COL25A1: variants seen among roughly 807,000 people sequenced by gnomAD.
COL25A1 encodes the protein collagen alpha-1(XXV) chain.
COL25A1 carries 103 observed loss-of-function variants against 128.4 expected under a neutral mutation model. The ratio of observed to expected loss-of-function variants is 0.80; its 90% CI spans 0.68 to 0.94. COL25A1 has a LOEUF of 0.94. Ranked by LOEUF, COL25A1 falls within the 40% of genes least tolerant of loss-of-function variation. COL25A1 has a pLI of 0.00. For synonymous variants in COL25A1, 279 were observed against 277.2 expected (o/e 1.01, Z -0.06); for missense variants, 745 against 840.0 (o/e 0.89, Z 1.40).
chr4:109,129,655 G>A (rs961038674), intron 3 of COL25A1, among the ~76,000 whole-genome samples: 2 of 152,168 alleles, frequency 1.3e-5, no homozygotes, highest in African/African-American at 4.8e-5. Context: ...ACCTGGGCCA[G>A]GCTAGTCTTT....
At chr4:109,141,569 T>G (rs1025147941) in intron 3 of COL25A1, among the ~76,000 whole-genome samples, 1 of 152,196 alleles carries the variant, frequency 6.6e-6, no homozygotes, top group African/African-American at 2.4e-5. Context: ...GGTCCTGGAC[T>G]TCTTTTGGTT....
chr4:109,110,932 A>G (rs1766940660), intron 3 of COL25A1, among the ~76,000 whole-genome samples: 1 of 152,118 alleles, frequency 6.6e-6, no homozygotes. Flanking sequence ...TCCAATTCCA[A>G]CTTCCTGAAA....
At chr4:109,287,047 T>C (rs1723957898) in intron 3 of COL25A1, among the ~76,000 whole-genome samples, 1 of 152,254 alleles carries the variant, frequency 6.6e-6, no homozygotes, top group Non-Finnish European at 1.5e-5. Context: ...AGTATCATAA[T>C]ACACACACAC....
At chr4:108,937,335 A>T (rs1747543159) in intron 11 of COL25A1, among the ~76,000 whole-genome samples, 4 of 146,914 alleles carry the variant, frequency 2.7e-5, no homozygotes, top group South Asian at 4.3e-4. Flanking sequence ...TTTCAGGACC[A>T]TTTTTTTTTT....
chr4:109,080,846 C>T (rs1763773211), intron 3 of COL25A1, among the ~76,000 whole-genome samples: 1 of 152,164 alleles, frequency 6.6e-6, no homozygotes, highest in Admixed American at 6.5e-5. Flanking sequence ...TTTCAGCTAT[C>T]TCCCACTTCA....
At chr4:109,057,597 G>T (rs1338713400) in intron 3 of COL25A1, among the ~76,000 whole-genome samples, 2 of 151,818 alleles carry the variant, frequency 1.3e-5, no homozygotes, top group East Asian at 3.9e-4. Context: ...TTGAAATAAA[G>T]TGAAAATTTT....
chr4:109,108,605 C>T (rs1766683608), intron 3 of COL25A1, among the ~76,000 whole-genome samples: 1 of 152,168 alleles, frequency 6.6e-6, no homozygotes, highest in South Asian at 2.1e-4. Context: ...GGAATTGCCA[C>T]ACTGTCTTCC....
intron 5 of COL25A1, among the ~76,000 whole-genome samples, chr4:109,019,355 CACACACACACACACACACACATATATAT>C (rs1757492196): frequency 8.8e-5 from 2 of 22,664 alleles, no homozygotes; most frequent in African/African-American, 3.5e-4. Flanking sequence ...CACATACACA[CACACACACACACACACACACATATATAT>C]ATATATATAT....
At chr4:109,084,255 G>A (rs142517426) in intron 3 of COL25A1, among the ~76,000 whole-genome samples, 339 of 152,230 alleles carry the variant, frequency 2.2e-3, no homozygotes, top group African/African-American at 7.9e-3. Context: ...TCGGTAGACC[G>A]TACAGAATTT....
At chr4:109,117,911 G>C (rs1474543129) in intron 3 of COL25A1, among the ~76,000 whole-genome samples, 1 of 150,540 alleles carries the variant, frequency 6.6e-6, no homozygotes, top group Non-Finnish European at 1.5e-5. Flanking sequence ...TTTTTAAAAA[G>C]ATAAAAATAA....
chr4:109,224,478 T>C (rs928911179), intron 3 of COL25A1, among the ~76,000 whole-genome samples: 2 of 152,144 alleles, frequency 1.3e-5, no homozygotes, highest in African/African-American at 2.4e-5. Flanking sequence ...GTCTATATTG[T>C]ATTATGTTTA....
chr4:109,211,017 C>T (rs2126196171), intron 3 of COL25A1, among the ~76,000 whole-genome samples: 1 of 151,886 alleles, frequency 6.6e-6, no homozygotes, highest in Middle Eastern at 3.4e-3. Context: ...CCGGGGCCTA[C>T]TTGAGAGTGA....
intron 19 of COL25A1, among the ~76,000 whole-genome samples, chr4:108,869,615 G>A (rs928978455): frequency 2.0e-5 from 3 of 152,176 alleles, no homozygotes; most frequent in Non-Finnish European, 4.4e-5. Flanking sequence ...GAATCAGAGA[G>A]GTAGAGAACT....
intron 3 of COL25A1, among the ~76,000 whole-genome samples, chr4:109,282,824 C>T (rs564761757): frequency 1.3e-5 from 2 of 152,138 alleles, no homozygotes; most frequent in African/African-American, 4.8e-5. Flanking sequence ...GATATGAAGT[C>T]TTGAGAACAC....
intron 3 of COL25A1, among the ~76,000 whole-genome samples, chr4:109,254,045 C>T (rs1445825420): frequency 1.3e-5 from 2 of 151,254 alleles, no homozygotes; most frequent in Non-Finnish European, 2.9e-5. Context: ...CGAGATCGCA[C>T]CACTGCACTC....
intron 32 of COL25A1, 100 bp from the exon 33 acceptor site, chr4:108,827,288 C>G (rs902946435): frequency 2.9e-5 from 29 of 1,016,434 alleles, no homozygotes; most frequent in Non-Finnish European, 4.1e-5. Context: ...AAGGACCATT[C>G]TATGAAAATC....
chr4:109,156,954 ACTAT>A (rs1243833594), intron 3 of COL25A1, among the ~76,000 whole-genome samples: 1 of 152,224 alleles, frequency 6.6e-6, no homozygotes, highest in African/African-American at 2.4e-5. Context: ...GTGTATTCTA[ACTAT>A]CTATAATATC....
At chr4:108,973,611 A>G (rs549272396) in intron 8 of COL25A1, among the ~76,000 whole-genome samples, 1 of 152,320 alleles carries the variant, frequency 6.6e-6, no homozygotes, top group South Asian at 2.1e-4. Flanking sequence ...ACTCTATTCA[A>G]CCAAATACTT....
chr4:108,838,207 G>T (rs778163070), intron 31 of COL25A1: 17 of 1,518,116 alleles, frequency 1.1e-5, no homozygotes, highest in Non-Finnish European at 1.4e-5. Flanking sequence ...GCCAATTTTG[G>T]TTGCTATTAT....
Sources: gnomAD v4.1 joint callset for allele counts (sites outside exome capture counted in the v4.1 genomes callset) on GRCh38, gnomAD v4.1.1 for gene constraint, MANE v1.5 for transcripts, NCBI Gene and HGNC (gene_info 2026-07-23, HGNC 2026-07-21) for gene names.